The following MUSK variants were observed in gnomAD, a reference collection of about 807,000 sequenced individuals.
MUSK encodes the protein muscle, skeletal receptor tyrosine-protein kinase.
Under a neutral mutation model 88.7 loss-of-function variants are expected in MUSK, and 55 were observed. The observed-to-expected ratio is 0.62, with a 90% CI of 0.50 to 0.78. The LOEUF (loss-of-function observed/expected upper bound fraction) is 0.78. MUSK is among the 30% of genes least tolerant of loss of function. MUSK has a pLI of 0.00. For synonymous variants in MUSK, 387 were observed against 391.9 expected, an observed-to-expected ratio of 0.99 and a Z score of 0.15; for missense variants, 1,015 against 1,074.3, an observed-to-expected ratio of 0.94 and a Z score of 0.77.
intron 3 of MUSK, among the ~76,000 whole-genome samples, chr9:110,690,855 AAT>A (rs1239814552): frequency 7.4e-6 from 1 of 135,116 alleles, no homozygotes; most frequent in Non-Finnish European, 1.5e-5. Flanking sequence ...TATATATATA[AAT>A]ATATATATTT....
At chr9:110,789,605 C>G (rs1409508344) in intron 14 of MUSK, among the ~76,000 whole-genome samples, 1 of 152,126 alleles carries the variant, frequency 6.6e-6, no homozygotes, top group Non-Finnish European at 1.5e-5. Context: ...ATGGTGAAAC[C>G]CCATCTCTAC....
Position 110,734,269 on chromosome 9 carries a change from G to C in MUSK, c.647G>C (p.Arg216Pro), listed in dbSNP as rs188464904. 14 of 1,612,400 alleles carry C rather than the reference G, an allele frequency of 8.7e-6. No individual in the cohort carries two copies. The highest frequency in any genetic ancestry group is 1.2e-5 in the Non-Finnish European group (14 of 1,179,226). Residue 216 changes from arginine to proline, a missense_variant, in exon 6 of 15, where the codon CGG becomes CCG. Coordinates refer to ENST00000374448, the MANE Select transcript of MUSK (RefSeq NM_005592.4). ...LEVEVFARIL[R>P]APESHNVTFG... ...CTAACAGTTTTTGCCAGGATCCTGC[G>C]GGCTCCTGAATCCCACAATGTCACC...
chr9:110,694,892 A>G (rs954973088), intron 3 of MUSK, among the ~76,000 whole-genome samples: 2 of 152,116 alleles, frequency 1.3e-5, no homozygotes, highest in Non-Finnish European at 2.9e-5. Flanking sequence ...ATATAATAAT[A>G]TCTGGTTTAC....
At chr9:110,725,264 G>A (rs958303474) in intron 5 of MUSK, among the ~76,000 whole-genome samples, 9 of 152,104 alleles carry the variant, frequency 5.9e-5, no homozygotes, top group Middle Eastern at 3.4e-3. Context: ...GGAAAAGAGT[G>A]GAAGGGGGAT....
chr9:110,715,369 G>A (rs1472017598), intron 5 of MUSK, among the ~76,000 whole-genome samples: 1 of 149,552 alleles, frequency 6.7e-6, no homozygotes, highest in Non-Finnish European at 1.5e-5. Context: ...GTTCAGAGAA[G>A]TTGAACAGCA....
chr9:110,745,247 A>G (rs1187507352), intron 6 of MUSK, among the ~76,000 whole-genome samples: 3 of 152,138 alleles, frequency 2.0e-5, no homozygotes, highest in Non-Finnish European at 4.4e-5. Flanking sequence ...CTTTCCTACT[A>G]AGGATGTTTT....
chr9:110,690,249 T>C (rs1490923943), intron 3 of MUSK, among the ~76,000 whole-genome samples: 2 of 88,536 alleles, frequency 2.3e-5, no homozygotes, highest in Non-Finnish European at 3.9e-5. Context: ...TATATATAAA[T>C]ATATATAAAT....
At chr9:110,788,643 G>GA (rs796190697) in intron 14 of MUSK, among the ~76,000 whole-genome samples, 172 of 134,134 alleles carry the variant, frequency 1.3e-3, no homozygotes, top group African/African-American at 4.1e-3. Context: ...AAAAAAGGAA[G>GA]AAAAAAAAAA....
chr9:110,711,825 G>A (rs545229490), intron 5 of MUSK, among the ~76,000 whole-genome samples: 2 of 152,298 alleles, frequency 1.3e-5, no homozygotes, highest in African/African-American at 4.8e-5. Context: ...GAGACTATAA[G>A]GAACAATTTG....
chr9:110,706,131 C>T (rs1017926626), intron 5 of MUSK: 2 of 528,276 alleles, frequency 3.8e-6, no homozygotes, highest in East Asian at 5.5e-5. Flanking sequence ...TAAGATCGTT[C>T]CTTAGCTGTC....
At chr9:110,754,254 A>G (rs1223563305) in intron 7 of MUSK, among the ~76,000 whole-genome samples, 1 of 152,222 alleles carries the variant, frequency 6.6e-6, no homozygotes, top group Non-Finnish European at 1.5e-5. Flanking sequence ...TCCTTTTACA[A>G]TCAGGCAGCT....
At chr9:110,760,197 A>G (rs1220016875) in intron 7 of MUSK, among the ~76,000 whole-genome samples, 1 of 152,178 alleles carries the variant, frequency 6.6e-6, no homozygotes, top group East Asian at 1.9e-4. Context: ...CGACCCAGCA[A>G]TTCCGCTACT....
intron 5 of MUSK, among the ~76,000 whole-genome samples, chr9:110,703,777 C>T (rs1373082067): frequency 6.6e-6 from 1 of 151,874 alleles, no homozygotes; most frequent in Non-Finnish European, 1.5e-5. Context: ...AGATACATTA[C>T]AGAAAGAGAA....
rs543421949 is a variant in MUSK, at chr9:110,788,546, C to T, written c.1927+708C>T. Among the ~76,000 whole-genome samples, 39 of 151,598 alleles carry T rather than the reference C, an allele frequency of 2.6e-4. No homozygotes were observed. The East Asian group carries it at 6.1e-3, about 24-fold the overall frequency. On this transcript the variant is annotated intron_variant, in intron 14 of 14. Coordinates refer to ENST00000374448, the MANE Select transcript of MUSK (RefSeq NM_005592.4). ...ACTCGGGAGGCTGAGGCATGAGAAT[C>T]GCTTACACCGGGGGGGCAGAGGTTG...
chr9:110,785,404 G>T, intron 12 of MUSK, 123 bp from the exon 13 acceptor site: 1 of 832,736 alleles, frequency 1.2e-6, no homozygotes, highest in Non-Finnish European at 1.8e-6. Flanking sequence ...AAGGATCTTT[G>T]GCTGCCTTAG....
chr9:110,800,204 CAG>C (rs2078069948), intron 14 of MUSK, 100 bp from the exon 15 acceptor site: 2 of 1,038,314 alleles, frequency 1.9e-6, no homozygotes, highest in South Asian at 1.6e-5. Flanking sequence ...CAACAAAAAA[CAG>C]GGCTTCATAT....
At chr9:110,694,647 C>T (rs1421911135) in intron 3 of MUSK, among the ~76,000 whole-genome samples, 7 of 152,082 alleles carry the variant, frequency 4.6e-5, no homozygotes, top group Non-Finnish European at 8.8e-5. Context: ...CGTAAAATTC[C>T]TAAGGACATA....
At chr9:110,685,858 T>C (rs189924364) in intron 2 of MUSK, among the ~76,000 whole-genome samples, 3 of 152,302 alleles carry the variant, frequency 2.0e-5, no homozygotes, top group Non-Finnish European at 4.4e-5. Context: ...TTTTCTAGCA[T>C]GCTTTTCAAA....
chr9:110,740,858 C>T (rs1260130558), intron 6 of MUSK, among the ~76,000 whole-genome samples: 4 of 152,054 alleles, frequency 2.6e-5, no homozygotes, highest in Admixed American at 2.0e-4. Flanking sequence ...TGGATAACCT[C>T]GAGAACATTA....
Sources: gnomAD v4.1 joint callset for allele counts (sites outside exome capture counted in the v4.1 genomes callset) on GRCh38, gnomAD v4.1.1 for gene constraint, MANE v1.5 for transcripts, NCBI Gene and HGNC (gene_info 2026-07-23, HGNC 2026-07-21) for gene names.